SOX5: variants seen among roughly 807,000 people sequenced by gnomAD.
SOX5 encodes transcription factor SOX-5.
A neutral mutation model predicts 92.0 loss-of-function variants in SOX5; 9 were observed. The ratio of observed to expected loss-of-function variants is 0.10; its 90% CI spans 0.06 to 0.17. The LOEUF is 0.17. Among genes scored for constraint, SOX5 ranks in the 10% least tolerant of loss-of-function variants. The pLI is 1.00. For synonymous variants in SOX5, 344 were observed against 336.3 expected (o/e 1.02, Z -0.25); for missense variants, 642 against 944.5 (o/e 0.68, Z 4.20).
chr12:24,000,549 T>C (rs1302511818), intron 4 of SOX5, among the ~76,000 whole-genome samples: 1 of 152,096 alleles, frequency 6.6e-6, no homozygotes, highest in Non-Finnish European at 1.5e-5. Flanking sequence ...ATTAACTGTG[T>C]TTGTGTATTT....
At position 24,529,884 on chromosome 12, in the gene SOX5, G is replaced by A. The variant is rs547672450; in HGVS notation, c.-251+32445C>T. Among the ~76,000 whole-genome samples the A allele has an allele frequency of 3.3e-5, 5 of 152,218 alleles. No homozygotes were observed. The South Asian group carries it at 1.0e-3, about 32-fold the overall frequency. On this transcript the variant is annotated intron_variant, in intron 1 of 4. Transcript: ENST00000446891. ...AAATACAAAAAATTAGCTAGGCGTG[G>A]TGGCGGGCGCCTGTAGTCCCAGCTA...
chr12:23,581,535 T>C (rs546162859), intron 9 of SOX5, among the ~76,000 whole-genome samples: 15 of 152,238 alleles, frequency 9.9e-5, no homozygotes, highest in African/African-American at 3.4e-4. Context: ...AACATATTTA[T>C]ACCAGTCTAA....
chr12:24,068,725 T>TATATATATATATATATATATATATAC (rs1941261295), intron 4 of SOX5, among the ~76,000 whole-genome samples: 1 of 97,372 alleles, frequency 1.0e-5, no homozygotes, highest in Non-Finnish European at 2.1e-5. Context: ...TATATATATA[T>TATATATATATATATATATATATATAC]ATATATATAT....
At chr12:24,152,496 C>A (rs1253288100) in intron 4 of SOX5, among the ~76,000 whole-genome samples, 1 of 152,076 alleles carries the variant, frequency 6.6e-6, no homozygotes, top group Non-Finnish European at 1.5e-5. Context: ...GCCCTGGATT[C>A]CCCACCTGTG....
chr12:23,894,224 C>CTATTAT (rs141143701), intron 2 of SOX5, among the ~76,000 whole-genome samples: 2,467 of 151,606 alleles, frequency 0.016, 31 homozygotes, highest in Middle Eastern at 0.037. Context: ...TAAAACATTA[C>CTATTAT]TATTATTATT....
At chr12:24,368,434 C>T (rs1020202451) in intron 2 of SOX5, 2 of 152,224 alleles carry the variant, frequency 1.3e-5, no homozygotes, top group African/African-American at 2.4e-5. Flanking sequence ...TTAGTACATT[C>T]GGTAAAAGGA....
chr12:24,121,103 C>A (rs1948566256), intron 4 of SOX5, among the ~76,000 whole-genome samples: 1 of 152,180 alleles, frequency 6.6e-6, no homozygotes, highest in African/African-American at 2.4e-5. Flanking sequence ...CTTTCTCACT[C>A]TGGGGTTTAA....
chr12:24,070,805 T>C (rs1480925778), intron 4 of SOX5, among the ~76,000 whole-genome samples: 2 of 152,216 alleles, frequency 1.3e-5, no homozygotes, highest in East Asian at 3.9e-4. Context: ...GTTTATGTAA[T>C]CATCCTCGGA....
At chr12:23,955,746 TA>T (rs35081092), upstream of SOX5, among the ~76,000 whole-genome samples, 5,915 of 143,240 alleles carry the variant, frequency 0.041, 470 homozygotes, top group East Asian at 0.28. Flanking sequence ...TTCTTTTGAG[TA>T]AAAAAAAAAA....
intron 1 of SOX5, among the ~76,000 whole-genome samples, chr12:24,378,795 C>A (rs186913426): frequency 1.3e-5 from 2 of 152,240 alleles, no homozygotes; most frequent in East Asian, 1.9e-4. Flanking sequence ...TTATACTTAC[C>A]GCTGTGAGCA....
intron 1 of SOX5, among the ~76,000 whole-genome samples, chr12:23,925,315 T>C (rs1179447493): frequency 6.6e-6 from 1 of 152,108 alleles, no homozygotes; most frequent in East Asian, 1.9e-4. Flanking sequence ...TAATTTTTAG[T>C]AGAGGGCAAG....
At chr12:24,120,302 T>C (rs1948480349) in intron 4 of SOX5, among the ~76,000 whole-genome samples, 2 of 152,156 alleles carry the variant, frequency 1.3e-5, no homozygotes, top group Non-Finnish European at 2.9e-5. Context: ...ATTATTAGAG[T>C]TCCAGTTTCT....
At chr12:23,736,164 A>G (rs1213806066) in intron 5 of SOX5, among the ~76,000 whole-genome samples, 1 of 152,060 alleles carries the variant, frequency 6.6e-6, no homozygotes, top group East Asian at 1.9e-4. Flanking sequence ...TTATTAAAAA[A>G]AAAAAAAAAT....
At chr12:24,231,074 A>G (rs534998157) in intron 3 of SOX5, among the ~76,000 whole-genome samples, 2 of 152,336 alleles carry the variant, frequency 1.3e-5, no homozygotes, top group African/African-American at 4.8e-5. Flanking sequence ...AGAAGAAATA[A>G]GAGAAGCAAC....
intron 1 of SOX5, among the ~76,000 whole-genome samples, chr12:24,383,448 C>T (rs1418103882): frequency 6.6e-6 from 1 of 152,210 alleles, no homozygotes; most frequent in Non-Finnish European, 1.5e-5. Context: ...TAACTACAGT[C>T]AACCACAGTC....
In SOX5 at chr12:23,533,771, AAAAAC is replaced by A. The variant is rs1194364925; in HGVS notation, c.*443_*447del. 5 of 152,974 alleles carry A rather than the reference AAAAAC, an allele frequency of 3.3e-5. No homozygotes were observed. The highest frequency in any genetic ancestry group is 4.8e-5 in the African/African-American group (2 of 41,448). The allele number at this position is 152,974 out of a possible 1,614,324, so 9.5% of individuals were successfully genotyped here. ...AAAAGGAAAAAACCCAGAAACCCCA[AAAAAC>A]AAAACAAAACTTTTTTCTTTTTAAA... On this transcript the variant is annotated 3_prime_UTR_variant, in exon 15 of 15. Coordinates refer to ENST00000451604, the MANE Select transcript of SOX5 (RefSeq NM_006940.6).
At chr12:23,995,694 T>C (rs1950967690) in intron 4 of SOX5, among the ~76,000 whole-genome samples, 1 of 152,210 alleles carries the variant, frequency 6.6e-6, no homozygotes, top group Admixed American at 6.5e-5. Flanking sequence ...CAAGACTCTC[T>C]CAATTACAAA....
chr12:24,277,996 C>T lies in SOX5; in HGVS notation c.-173-684G>A, dbSNP rs374818879. ...AATTCTGGCTTTGTTACCAATTTTC[C>T]TAGGCTGAACAAAAATCGGCCCTGA... is the stretch of plus-strand genomic sequence containing the variant. On this transcript the variant is annotated intron_variant, in intron 2 of 4. Coordinates refer to the SOX5 transcript ENST00000446891. Among the ~76,000 whole-genome samples, 378 of 152,206 alleles carry T rather than the reference C, an allele frequency of 2.5e-3. 2 individuals are homozygous for T. Among genetic ancestry groups the T allele is most frequent in the African/African-American group, 8.7e-3 (360 of 41,528 alleles).
At chr12:24,510,938 G>A (rs1305268756) in intron 1 of SOX5, among the ~76,000 whole-genome samples, 2 of 152,138 alleles carry the variant, frequency 1.3e-5, no homozygotes, top group African/African-American at 4.8e-5. Context: ...TCTTTTGAAC[G>A]CATTCCACTT....
Sources: allele counts gnomAD v4.1 joint callset (sites outside exome capture counted in the v4.1 genomes callset), GRCh38; gene constraint gnomAD v4.1.1; transcripts MANE v1.5; gene names NCBI Gene and HGNC (gene_info 2026-07-23, HGNC 2026-07-21).